NFE2L3: variants seen among roughly 807,000 people sequenced by gnomAD.
NFE2L3 encodes the protein nuclear factor erythroid 2-related factor 3.
In NFE2L3, 18 loss-of-function variants were observed where a neutral mutation model predicts 23.5. The observed-to-expected ratio is 0.77, with a 90% CI of 0.53 to 1.13. The LOEUF (loss-of-function observed/expected upper bound fraction) is 1.13, where lower values mean the gene tolerates loss of function less well. Ranked by LOEUF, NFE2L3 falls within the 50% of genes most tolerant of loss-of-function variation. The pLI is 0.00. For missense variants in NFE2L3, 1,152 were observed against 877.2 expected (o/e 1.31, Z -3.96); for synonymous variants, 424 against 354.5 (o/e 1.20, Z -2.20).
At chr7:26,176,297 TTTTCCCCACA>T (rs1784404095) in intron 1 of NFE2L3, among the ~76,000 whole-genome samples, 1 of 152,140 alleles carries the variant, frequency 6.6e-6, no homozygotes, top group Admixed American at 6.5e-5. Context: ...TCTCTCGTTC[TTTTCCCCACA>T]TTTCCCCCTT....
rs1782435966 is a variant in NFE2L3 at position 26,184,755 on chromosome 7, G to C, written c.1057G>C (p.Glu353Gln). The C allele has an allele frequency of 5.0e-6, 8 of 1,613,852 alleles. No individual in the cohort carries two copies. The East Asian group carries it at 1.8e-4, about 36-fold the overall frequency. Residue 353 changes from glutamate (E) to glutamine (Q), a missense_variant, in exon 4 of 4, where the codon GAG (glutamate) becomes CAG (glutamine). By Grantham distance (29) the Glu-to-Gln change is conservative (BLOSUM62 2). Coordinates refer to ENST00000056233, the MANE Select transcript of NFE2L3 (RefSeq NM_004289.7). ...LQLNSHTTNP[E>Q]QTLPGTNLTG... is the part of the protein sequence containing the mutation. ...GTTAAATTCTCATACCACCAATCCT[G>C]AGCAAACCCTTCCTGGAACTAATTT...
In NFE2L3 at chr7:26,185,743, C is replaced by A. The variant is rs778619296; in HGVS notation, c.2045C>A (p.Ser682Ter). ...ATAGTACCCAAAGAACTGGTGGCCTCAGGCCACAAAAAGGAAACCCAAAAG... is the reference window on the plus strand; with the variant it reads ...ATAGTACCCAAAGAACTGGTGGCCTAAGGCCACAAAAAGGAAACCCAAAAG... Reference protein sequence around the residue: ...ILIVPKELVASGHKKETQKGK... With the variant: ...ILIVPKELVA The change falls in exon 4 of 4, where the codon TCA (serine) becomes TAA (stop). Residue 682 changes from serine to a stop codon, truncating the protein, a stop_gained. Transcript: ENST00000056233. LOFTEE classifies it high-confidence loss of function. The A allele has an allele frequency of 1.9e-6, 3 of 1,588,800 alleles. No homozygotes were observed. The highest frequency in any genetic ancestry group is 8.5e-7 in the Non-Finnish European group (1 of 1,173,720).
Position 26,178,025 on chromosome 7 carries a change from A to G in NFE2L3, c.653A>G (p.Gln218Arg), listed in dbSNP as rs1202508114. The G allele has an allele frequency of 6.2e-7, 1 of 1,614,196 alleles. No homozygotes were observed. The highest frequency in any genetic ancestry group is 1.3e-5 in the African/African-American group (1 of 75,068). The change falls in exon 2 of 4, where the codon CAG becomes CGG. Residue 218 changes from glutamine to arginine, a missense_variant. Physicochemically the swap from Gln to Arg is conservative, Grantham distance 43 (BLOSUM62 1). Transcript: ENST00000056233. Reference protein sequence around the residue: ...HEENEERVSAQKENSLQQNDD... With the variant: ...HEENEERVSARKENSLQQNDD... ...GAAAATGAAGAAAGGGTGTCAGCCCAGAAGGAGAACTCACTTCAGCAGAAT... is the reference window on the plus strand; with the variant it reads ...GAAAATGAAGAAAGGGTGTCAGCCCGGAAGGAGAACTCACTTCAGCAGAAT...
At position 26,183,635 on chromosome 7, in the gene NFE2L3, A is replaced by AC. The variant is rs945447614; in HGVS notation, c.751-66_751-65insC. On this transcript the variant is annotated intron_variant, in intron 2 of 3. Coordinates refer to ENST00000056233, the MANE Select transcript of NFE2L3 (RefSeq NM_004289.7). Reference sequence around the variant, plus strand: ...TAATACCTGGTGATCCTTTAAAGATAAAGCCTAAAGCCCCAACCAGTTCAG... The same window carrying AC: ...TAATACCTGGTGATCCTTTAAAGATACAAGCCTAAAGCCCCAACCAGTTCAG... 2.7e-4 allele frequency: 257 copies of AC among 942,536 alleles called. No homozygotes were observed. The African/African-American group carries it at 3.4e-3, about 13-fold the overall frequency. 58.4% of individuals were successfully genotyped at this position (942,536 alleles called of 1,614,324 possible).
At chr7:26,183,850 A>T in intron 3 of NFE2L3, 66 bp downstream of exon 3, 1 of 1,011,252 alleles carries the variant, frequency 9.9e-7, no homozygotes, top group Non-Finnish European at 1.6e-6. Flanking sequence ...GTGAACAAAT[A>T]CAACTCCTTT....
At chr7:26,169,831 C>G (rs2128098709) in intron 1 of NFE2L3, among the ~76,000 whole-genome samples, 1 of 152,316 alleles carries the variant, frequency 6.6e-6, no homozygotes, top group South Asian at 2.1e-4. Context: ...GGCGCGGTGG[C>G]TCACGCCTGT....
chr7:26,182,388 C>T (rs1784533353), intron 2 of NFE2L3, among the ~76,000 whole-genome samples: 1 of 152,152 alleles, frequency 6.6e-6, no homozygotes, highest in Non-Finnish European at 1.5e-5. Context: ...CTTTGTGAGG[C>T]CAAGGCAGGT....
In NFE2L3 at chr7:26,184,521, T is replaced by C; in HGVS notation, c.835-12T>C. 1.3e-5 allele frequency: 21 copies of C among 1,595,916 alleles called. No individual in the cohort carries two copies. The highest frequency in any genetic ancestry group is 1.8e-5 in the Non-Finnish European group (21 of 1,170,440). On this transcript the variant is annotated splice_polypyrimidine_tract_variant and intron_variant, in intron 3 of 3. Transcript: ENST00000056233. ...CTATTCATGTTTGAAGTGTTTCTCC[T>C]TCGTTTTTCAGGGCATCTCATTGGG...
Position 26,176,160 on chromosome 7 carries a change from A to C in NFE2L3, c.571-1783A>C, listed in dbSNP as rs1373526743. 2.0e-5 allele frequency among the ~76,000 whole-genome samples: 3 copies of C among 152,206 alleles called. No homozygotes were observed. In the East Asian group the frequency reaches 5.8e-4, roughly 29 times the overall value. ...TGAGTTGACACAGCACATGTTTCAG[A>C]GAGCAGGGGGTTGGGAGTAAGGTTA... is the stretch of plus-strand genomic sequence containing the variant. On this transcript the variant is annotated intron_variant, in intron 1 of 3. Transcript: ENST00000056233.
chr7:26,172,787 C>T (rs886888003), intron 1 of NFE2L3, among the ~76,000 whole-genome samples: 5 of 152,158 alleles, frequency 3.3e-5, no homozygotes, highest in African/African-American at 7.2e-5. Flanking sequence ...GGTTTAACTT[C>T]GTATTTTGAT....
At chr7:26,153,357 A>T (rs964678326) in intron 1 of NFE2L3, among the ~76,000 whole-genome samples, 2 of 152,066 alleles carry the variant, frequency 1.3e-5, no homozygotes, top group Admixed American at 1.3e-4. Context: ...GGGGATGGGG[A>T]GGGGAGAAGC....
In NFE2L3 at chr7:26,184,704, T is replaced by TCA. The variant is rs1472118136; in HGVS notation, c.1009_1010dup (p.Gln337HisfsTer10). The TCA allele has an allele frequency of 6.2e-7, 1 of 1,613,790 alleles. No individual in the cohort carries two copies. Among genetic ancestry groups the TCA allele is most frequent in the African/African-American group, 1.3e-5 (1 of 74,924 alleles). The stretch of plus-strand genomic sequence containing the variant: ...TAGAAGAGATCCAACAGCAAGGACT[T>TCA]CACAGTCACAAGAACCATTTCTGCA... On this transcript the variant is annotated frameshift_variant, in exon 4 of 4. Coordinates refer to ENST00000056233, the MANE Select transcript of NFE2L3 (RefSeq NM_004289.7). LOFTEE classifies it low-confidence loss of function (END_TRUNC).
chr7:26,166,156 C>CTGGATGAATTCT, intron 1 of NFE2L3, among the ~76,000 whole-genome samples: 1 of 152,058 alleles, frequency 6.6e-6, no homozygotes, highest in South Asian at 2.1e-4. Context: ...AGAATTCACC[C>CTGGATGAATTCT]TGGATGGCTC....
chr7:26,179,078 GCCTGCCTACCACTC>G (rs1286610262), intron 2 of NFE2L3, among the ~76,000 whole-genome samples: 1 of 152,034 alleles, frequency 6.6e-6, no homozygotes, highest in African/African-American at 2.4e-5. Flanking sequence ...TGTTCTCTTT[GCCTGCCTACCACTC>G]CCTTGCCCCT....
intron 2 of NFE2L3, among the ~76,000 whole-genome samples, chr7:26,183,302 CTT>C (rs1431513357): frequency 1.3e-5 from 2 of 152,022 alleles, no homozygotes. Flanking sequence ...AATCCCAGCA[CTT>C]TGGGAGGCCT....
intron 1 of NFE2L3, among the ~76,000 whole-genome samples, chr7:26,167,080 A>T (rs1346347203): frequency 6.6e-6 from 1 of 152,190 alleles, no homozygotes; most frequent in Non-Finnish European, 1.5e-5. Flanking sequence ...GCAAGGAGAA[A>T]AGAAAAGGCC....
chr7:26,184,546 G>GAGAT lies in NFE2L3; in HGVS notation c.850_853dup (p.Ile285ArgfsTer10), dbSNP rs1341439915. The GAGAT allele has an allele frequency of 6.2e-7, 1 of 1,610,848 alleles. No individual in the cohort carries two copies. Among genetic ancestry groups the GAGAT allele is most frequent in the Non-Finnish European group, 8.5e-7 (1 of 1,178,084 alleles). On this transcript the variant is annotated frameshift_variant, in exon 4 of 4. Transcript: ENST00000056233. LOFTEE classifies it low-confidence loss of function (END_TRUNC). ...TTCGTTTTTCAGGGCATCTCATTGG[G>GAGAT]AGATATTCCTCTTCCAGGCAGTATC...
In NFE2L3 at chr7:26,153,101, GC is replaced by G. The variant is rs140472136; in HGVS notation, c.570+34del. On this transcript the variant is annotated intron_variant, in intron 1 of 3. Transcript: ENST00000056233. The stretch of plus-strand genomic sequence containing the variant: ...CAGAGCGGGAAGCGAGCGAAGTGCG[GC>G]GTCTACGCCGCCGGGAGCCCCCGAG... 7.4e-4 allele frequency: 1,105 copies of G among 1,500,908 alleles called. 8 individuals carry two copies. The African/African-American group carries it at 0.015, about 20-fold the overall frequency. 93.0% of individuals were successfully genotyped at this position (1,500,908 alleles called of 1,614,324 possible).
chr7:26,155,438 T>A lies in NFE2L3; in HGVS notation c.570+2370T>A, dbSNP rs141056980. ...GCCTGGGTGACAGAGTGAGACTCTGTCTCAAAAAGAAAAAAAATGAAGAAG... is the reference window on the plus strand; with the variant it reads ...GCCTGGGTGACAGAGTGAGACTCTGACTCAAAAAGAAAAAAAATGAAGAAG... On this transcript the variant is annotated intron_variant, in intron 1 of 3. Transcript: ENST00000056233. Among the ~76,000 whole-genome samples the A allele has an allele frequency of 2.1e-4, 32 of 151,954 alleles. 1 individual carries two copies. In the East Asian group the frequency reaches 5.6e-3, roughly 27 times the overall value.
Sources: gnomAD v4.1 joint callset for allele counts (sites outside exome capture counted in the v4.1 genomes callset) on GRCh38, gnomAD v4.1.1 for gene constraint, MANE v1.5 for transcripts, NCBI Gene and HGNC (gene_info 2026-07-23, HGNC 2026-07-21) for gene names.